Variants in COL27A1 observed in about 807,000 individuals in gnomAD.
COL27A1 encodes the protein collagen type XXVII alpha 1 chain, also known as collagen alpha-1(XXVII) chain.
A neutral mutation model predicts 251.3 loss-of-function variants in COL27A1; 106 were observed. That is an observed-to-expected ratio of 0.42 (90% confidence interval 0.36 to 0.50). The LOEUF is 0.50. COL27A1 is among the 20% of genes least tolerant of loss of function. COL27A1 has a pLI of 0.00. For synonymous variants in COL27A1, 1,000 were observed against 986.3 expected (o/e 1.01, Z -0.26); for missense variants, 2,325 against 2,522.8 (o/e 0.92, Z 1.68).
At chr9:114,181,310 C>A (rs1827895449) in intron 4 of COL27A1, among the ~76,000 whole-genome samples, 1 of 152,142 alleles carries the variant, frequency 6.6e-6, no homozygotes, top group African/African-American at 2.4e-5. Context: ...TCACAAGAGG[C>A]ACTGAGAAAC....
Position 114,282,212 on chromosome 9 carries a change from C to A in COL27A1, c.3718-65C>A, listed in dbSNP as rs367943010. On this transcript the variant is annotated intron_variant, in intron 37 of 60. Transcript: ENST00000356083. ...CAGAGCCGACAGTCTGACCGCCTTG[C>A]GGATCCGCCTCAGTTTCCTCTCTTC... 7 of 1,481,358 alleles carry A rather than the reference C, an allele frequency of 4.7e-6. No individual in the cohort carries two copies. In the Admixed American group the frequency reaches 8.4e-5, roughly 18 times the overall value. The allele number at this position is 1,481,358 out of a possible 1,614,324, so 91.8% of individuals were successfully genotyped here. A position where few individuals can be genotyped will look rare whatever the true frequency, so the allele number is the denominator to read the frequency against.
intron 37 of COL27A1, among the ~76,000 whole-genome samples, chr9:114,276,532 G>A (rs1337263945): frequency 6.6e-6 from 1 of 152,216 alleles, no homozygotes; most frequent in Non-Finnish European, 1.5e-5. Context: ...TTGAACCTGG[G>A]AGGCGGGGGT....
intron 7 of COL27A1, among the ~76,000 whole-genome samples, chr9:114,200,686 C>G (rs995651344): frequency 4.6e-5 from 7 of 152,218 alleles, no homozygotes; most frequent in Non-Finnish European, 1.0e-4. Context: ...CTTGGAGAGG[C>G]CAGCTGGGGA....
intron 6 of COL27A1, among the ~76,000 whole-genome samples, chr9:114,194,816 A>G (rs1828995795): frequency 6.6e-6 from 1 of 152,180 alleles, no homozygotes; most frequent in Non-Finnish European, 1.5e-5. Flanking sequence ...TCTTGGTAGC[A>G]CATGGCCAGG....
At chr9:114,301,049 A>G (rs1828589264) in intron 51 of COL27A1, 23 bp from the exon 52 acceptor site, 3 of 1,589,598 alleles carry the variant, frequency 1.9e-6, no homozygotes, top group Non-Finnish European at 2.6e-6. Context: ...ACAAGGACAC[A>G]TGAGCCTTTC....
intron 58 of COL27A1, 140 bp downstream of exon 58, chr9:114,306,828 C>A: frequency 1.1e-6 from 1 of 889,758 alleles, no homozygotes; most frequent in Non-Finnish European, 1.7e-6. Flanking sequence ...ATTCACTCAG[C>A]AGTCACAGAG....
Position 114,301,669 on chromosome 9 carries a change from C to T in COL27A1, c.4810-13C>T, listed in dbSNP as rs755661569. 1.9e-6 allele frequency: 3 copies of T among 1,605,006 alleles called. No individual in the cohort carries two copies. Among genetic ancestry groups the T allele is most frequent in the Middle Eastern group, 1.9e-4 (1 of 5,198 alleles). On this transcript the variant is annotated splice_polypyrimidine_tract_variant and intron_variant, in intron 54 of 60. Coordinates refer to ENST00000356083, the MANE Select transcript of COL27A1 (RefSeq NM_032888.4). The stretch of plus-strand genomic sequence containing the variant: ...GTGGACCAGGGCTCACTCTTCTTCT[C>T]TTGTTCCCCCAGGGTCCTCCCGGCC...
intron 21 of COL27A1, among the ~76,000 whole-genome samples, chr9:114,241,348 G>C (rs1480265137): frequency 1.3e-5 from 2 of 152,264 alleles, no homozygotes; most frequent in Non-Finnish European, 2.9e-5. Flanking sequence ...TCTCGGGCTG[G>C]CTCTGGGTCT....
intron 56 of COL27A1, among the ~76,000 whole-genome samples, chr9:114,304,170 T>C (rs1351021209): frequency 6.6e-6 from 1 of 152,060 alleles, no homozygotes; most frequent in East Asian, 1.9e-4. Flanking sequence ...ACCACTGGTA[T>C]AGGAGATAGC....
intron 12 of COL27A1, among the ~76,000 whole-genome samples, chr9:114,215,926 A>G (rs1830682914): frequency 6.6e-6 from 1 of 152,188 alleles, no homozygotes; most frequent in Non-Finnish European, 1.5e-5. Context: ...CCTTAGGAGC[A>G]TGAGGGGGAC....
intron 5 of COL27A1, among the ~76,000 whole-genome samples, chr9:114,191,629 A>T (rs1468962324): frequency 2.0e-5 from 3 of 152,126 alleles, no homozygotes; most frequent in African/African-American, 7.2e-5. Flanking sequence ...GTATTCCGTG[A>T]TGTATATGTA....
intron 7 of COL27A1, 118 bp downstream of exon 7, chr9:114,196,130 G>T: frequency 1.1e-6 from 1 of 887,552 alleles, no homozygotes; most frequent in Non-Finnish European, 1.9e-6. Flanking sequence ...GCTCCCCTGG[G>T]CACAGGGTAC....
chr9:114,310,256 A>G (rs1055785283), intron 60 of COL27A1, among the ~76,000 whole-genome samples: 16 of 152,272 alleles, frequency 1.1e-4, no homozygotes, highest in African/African-American at 3.9e-4. Flanking sequence ...ATATATATAT[A>G]TGTATATGAG....
At chr9:114,269,509 G>A (rs998360630) in intron 35 of COL27A1, among the ~76,000 whole-genome samples, 1 of 151,570 alleles carries the variant, frequency 6.6e-6, no homozygotes, top group Non-Finnish European at 1.5e-5. Flanking sequence ...CAGCTACTCG[G>A]GGGGCTGAGG....
intron 59 of COL27A1, 46 bp from the exon 60 acceptor site, chr9:114,309,214 G>T (rs374420759): frequency 3.2e-6 from 5 of 1,551,320 alleles, no homozygotes; most frequent in South Asian, 2.2e-5. Flanking sequence ...GGTGTGGGGG[G>T]TGTGGGGGGC....
intron 5 of COL27A1, among the ~76,000 whole-genome samples, chr9:114,193,348 C>G (rs79913706): frequency 0.017 from 2,629 of 152,270 alleles, 67 homozygotes; most frequent in African/African-American, 0.052. Flanking sequence ...GCCCTTTTCC[C>G]GAGCCCCATG....
chr9:114,288,610 G>A, intron 42 of COL27A1, 92 bp from the exon 43 acceptor site: 1 of 1,551,292 alleles, frequency 6.4e-7, no homozygotes, highest in Non-Finnish European at 8.8e-7. Context: ...CCAGGTCCCT[G>A]AGAGCTCCGC....
chr9:114,283,597 C>T, intron 39 of COL27A1, 112 bp from the exon 40 acceptor site: 3 of 924,934 alleles, frequency 3.2e-6, no homozygotes, highest in Admixed American at 2.0e-5. Flanking sequence ...TTATGGGCGG[C>T]ATGGATGTGC....
Position 114,301,000 on chromosome 9 carries a change from C to A in COL27A1, c.4702-72C>A, listed in dbSNP as rs555494461. The A allele has an allele frequency of 2.0e-6, 3 of 1,472,786 alleles. No individual in the cohort carries two copies. The East Asian group carries it at 6.8e-5, about 33-fold the overall frequency. The allele number at this position is 1,472,786 out of a possible 1,614,324, so 91.2% of individuals were successfully genotyped here. On this transcript the variant is annotated intron_variant, in intron 51 of 60. Coordinates refer to ENST00000356083, the MANE Select transcript of COL27A1 (RefSeq NM_032888.4). ...ACTCCCTTGCGACGCTCGGGCTGCC[C>A]TCCACCCCGCTCCCCGTGTCTGTTC...
Sources: allele counts gnomAD v4.1 joint callset (sites outside exome capture counted in the v4.1 genomes callset), GRCh38; gene constraint gnomAD v4.1.1; transcripts MANE v1.5; gene names NCBI Gene and HGNC (gene_info 2026-07-23, HGNC 2026-07-21).